Variants in NPHP4 observed in about 807,000 individuals in gnomAD.
NPHP4 encodes nephrocystin 4.
In NPHP4, 151 loss-of-function variants were observed where a neutral mutation model predicts 155.8. That is an observed-to-expected ratio of 0.97 (90% CI 0.85 to 1.11). NPHP4 has a LOEUF of 1.11. NPHP4 is among the 50% of genes least tolerant of loss of function. NPHP4 has a pLI of 0.00. For synonymous variants in NPHP4, 845 were observed against 816.8 expected, an observed-to-expected ratio of 1.03 and a Z score of -0.59; for missense variants, 1,956 against 1,925.7, an observed-to-expected ratio of 1.02 and a Z score of -0.29.
At chr1:5,935,010 C>G (rs1646465949) in intron 9 of NPHP4, among the ~76,000 whole-genome samples, 1 of 152,172 alleles carries the variant, frequency 6.6e-6, no homozygotes, top group Admixed American at 6.5e-5. Flanking sequence ...CATGCGTGCT[C>G]TCAAGGCCTC....
intron 16 of NPHP4, among the ~76,000 whole-genome samples, chr1:5,895,994 C>T (rs926743021): frequency 3.3e-5 from 5 of 152,214 alleles, no homozygotes; most frequent in African/African-American, 1.2e-4. Flanking sequence ...TCTGCGCAGC[C>T]AAACTTGGGC....
intron 11 of NPHP4, among the ~76,000 whole-genome samples, chr1:5,925,550 G>A (rs1460400458): frequency 6.6e-6 from 1 of 152,124 alleles, no homozygotes; most frequent in Non-Finnish European, 1.5e-5. Flanking sequence ...ATAACTATAT[G>A]TCAAAGAGTG....
intron 16 of NPHP4, among the ~76,000 whole-genome samples, chr1:5,894,417 T>G (rs1644292580): frequency 6.6e-6 from 1 of 150,600 alleles, no homozygotes; most frequent in Admixed American, 6.6e-5. Flanking sequence ...GCCACTGCAT[T>G]CCAGCCTGGG....
At chr1:5,911,236 C>CGT (rs1553170922) in intron 11 of NPHP4, among the ~76,000 whole-genome samples, 2 of 152,194 alleles carry the variant, frequency 1.3e-5, no homozygotes, top group African/African-American at 4.8e-5. Flanking sequence ...TCTTACAGTC[C>CGT]ATTTCAGAGC....
chr1:5,864,131 CG>C, intron 28 of NPHP4, 98 bp from the exon 29 acceptor site: 3 of 1,393,958 alleles, frequency 2.2e-6, no homozygotes, highest in Non-Finnish European at 3.0e-6. Flanking sequence ...GCACCGTGCA[CG>C]GGGACCCCCA....
intron 23 of NPHP4, among the ~76,000 whole-genome samples, chr1:5,869,304 T>C (rs922723449): frequency 5.9e-5 from 8 of 136,310 alleles, no homozygotes; most frequent in Non-Finnish European, 1.1e-4. Context: ...GATGCACAAA[T>C]ACAAACATGG....
At chr1:5,925,145 G>T (rs954965596) in intron 11 of NPHP4, among the ~76,000 whole-genome samples, 58 of 152,082 alleles carry the variant, frequency 3.8e-4, no homozygotes, top group African/African-American at 1.4e-3. Context: ...TGGATCCATG[G>T]GTTCTGCATC....
chr1:5,894,092 T>C (rs1419106216), intron 16 of NPHP4, among the ~76,000 whole-genome samples: 2 of 152,260 alleles, frequency 1.3e-5, no homozygotes, highest in Non-Finnish European at 2.9e-5. Flanking sequence ...ATAACTATTC[T>C]TGTTTTATAT....
intron 2 of NPHP4, among the ~76,000 whole-genome samples, chr1:5,980,501 G>A (rs1654492225): frequency 6.6e-6 from 1 of 152,238 alleles, no homozygotes; most frequent in Non-Finnish European, 1.5e-5. Context: ...GAGATTCTAA[G>A]CAGAAATGAC....
chr1:5,963,994 CTT>C (rs1650870506), intron 5 of NPHP4, among the ~76,000 whole-genome samples: 2 of 152,234 alleles, frequency 1.3e-5, no homozygotes, highest in South Asian at 4.1e-4. Flanking sequence ...GGCCCAACCT[CTT>C]CTTACAGAAA....
Position 5,909,099 on chromosome 1 carries a change from G to T in NPHP4, c.1503+53C>A. Reference sequence around the variant, plus strand: ...TTAAGGGGGGACAGAGGGTTTTCTTGCAAGTAATTGACTCTGGAATTCTGA... The same window carrying T: ...TTAAGGGGGGACAGAGGGTTTTCTTTCAAGTAATTGACTCTGGAATTCTGA... On this transcript the variant is annotated intron_variant, in intron 12 of 29. Transcript: ENST00000378156. 5 of 1,399,632 alleles carry T rather than the reference G, an allele frequency of 3.6e-6. No homozygotes were observed. The Admixed American group carries it at 5.8e-5, about 16-fold the overall frequency. The allele number at this position is 1,399,632 out of a possible 1,614,324, so 86.7% of individuals were successfully genotyped here.
intron 9 of NPHP4, among the ~76,000 whole-genome samples, chr1:5,936,748 A>T (rs1271596708): frequency 6.6e-6 from 1 of 152,200 alleles, no homozygotes; most frequent in African/African-American, 2.4e-5. Flanking sequence ...GGCCTCTGGA[A>T]ATGCTACAAA....
At chr1:5,957,955 C>T (rs912619828) in intron 6 of NPHP4, among the ~76,000 whole-genome samples, 2 of 152,222 alleles carry the variant, frequency 1.3e-5, no homozygotes, top group Non-Finnish European at 2.9e-5. Flanking sequence ...CCTAAGAGTG[C>T]AATGTGACAT....
intron 3 of NPHP4, among the ~76,000 whole-genome samples, chr1:5,972,151 G>A (rs1652685074): frequency 6.6e-6 from 1 of 152,226 alleles, no homozygotes; most frequent in Admixed American, 6.5e-5. Context: ...CTCAGACAAC[G>A]CTGGGCAGCA....
intron 9 of NPHP4, among the ~76,000 whole-genome samples, chr1:5,940,939 G>A (rs1009163169): frequency 6.6e-6 from 1 of 152,056 alleles, no homozygotes; most frequent in Non-Finnish European, 1.5e-5. Context: ...TTTGGAGCTA[G>A]ACCTCTTGAT....
intron 2 of NPHP4, 120 bp downstream of exon 2, chr1:5,986,035 C>G: frequency 1.8e-6 from 2 of 1,137,872 alleles, no homozygotes; most frequent in Non-Finnish European, 2.6e-6. Context: ...TGGGTACCAC[C>G]ATAAAGTAGC....
At chr1:5,874,405 G>A in intron 22 of NPHP4, 66 bp downstream of exon 22, 2 of 1,393,692 alleles carry the variant, frequency 1.4e-6, no homozygotes, top group Admixed American at 2.5e-5. Context: ...GTGGAGACTG[G>A]AAGCATTCTC....
chr1:5,952,667 A>C (rs1389139942), intron 7 of NPHP4, 33 bp downstream of exon 7: 2 of 936,326 alleles, frequency 2.1e-6, no homozygotes, highest in Admixed American at 5.0e-5. Context: ...GCCTGGCCCC[A>C]CCCTGCCCCC....
intron 3 of NPHP4, among the ~76,000 whole-genome samples, chr1:5,970,908 A>G (rs1486983548): frequency 2.0e-5 from 3 of 152,200 alleles, no homozygotes; most frequent in African/African-American, 4.8e-5. Context: ...TGAAATAATG[A>G]CCACTTACAG....
Sources: allele counts gnomAD v4.1 joint callset (sites outside exome capture counted in the v4.1 genomes callset), GRCh38; gene constraint gnomAD v4.1.1; transcripts MANE v1.5; gene names NCBI Gene and HGNC (gene_info 2026-07-23, HGNC 2026-07-21).